The following WNK1 variants were observed in gnomAD, a reference collection of about 807,000 sequenced individuals.
WNK1 encodes the protein serine/threonine-protein kinase WNK1.
WNK1 carries 38 observed loss-of-function variants against 222.8 expected under a neutral mutation model. The ratio of observed to expected loss-of-function variants is 0.17; its 90% CI spans 0.13 to 0.22. The LOEUF is 0.22. Among genes scored for constraint, WNK1 ranks in the 10% least tolerant of loss-of-function variants. The pLI is 1.00. For missense variants in WNK1, 2,348 were observed against 2,918.4 expected, an observed-to-expected ratio of 0.80 and a Z score of 4.50; for synonymous variants, 1,090 against 1,092.9, an observed-to-expected ratio of 1.00 and a Z score of 0.05.
intron 25 of WNK1, among the ~76,000 whole-genome samples, chr12:899,235 G>A (rs192635467): frequency 3.9e-4 from 59 of 152,306 alleles, no homozygotes; most frequent in Middle Eastern, 3.4e-3. Context: ...AGTTCATGCA[G>A]CCCATTAGTA....
rs748023236 is a variant in WNK1 at position 880,890 on chromosome 12, C to T, written c.3002C>T (p.Ser1001Leu). 3 of 1,614,146 alleles carry T rather than the reference C, an allele frequency of 1.9e-6. No homozygotes were observed. The highest frequency in any genetic ancestry group is 1.6e-4 in the Middle Eastern group (1 of 6,062). Residue 1001 changes from serine to leucine, a missense_variant, in exon 12 of 28, where the codon TCA becomes TTA. By Grantham distance (145) the Ser-to-Leu change is moderately radical. Transcript: ENST00000315939. The part of the protein sequence containing the change: ...FPTVVQPYVE[S>L]NLLVPMGGVG... The stretch of plus-strand genomic sequence containing the variant: ...ACAGTGGTGCAGCCTTATGTGGAAT[C>T]AAATCTTTTAGTTCCTATGGGTGGT...
At chr12:893,966 C>T (rs1954517896) in intron 22 of WNK1, among the ~76,000 whole-genome samples, 1 of 151,904 alleles carries the variant, frequency 6.6e-6, no homozygotes, top group African/African-American at 2.4e-5. Flanking sequence ...ACCTGTAATC[C>T]CAGCACTTTG....
rs1952801206 is a variant in WNK1 at position 878,218 on chromosome 12, G to A, written c.2230G>A (p.Gly744Arg). The change falls in exon 10 of 28, where the codon GGA (glycine) becomes AGA (arginine). Residue 744 changes from glycine to arginine, a missense_variant. This residue lies in a region of WNK1 where 547 missense variants were observed against 558.3 expected (regional missense o/e 0.98). Transcript: ENST00000315939. ...CATTGTATTTTATTCTTAGCAGCAG[G>A]GAATACAGCAGACAGCCCCTCCTCA... is the stretch of plus-strand genomic sequence containing the variant. ...QPIQHPQQQQ[G>R]IQQTAPPQQT... 2 of 1,613,946 alleles carry A rather than the reference G, an allele frequency of 1.2e-6. No individual in the cohort carries two copies. Among genetic ancestry groups the A allele is most frequent in the Admixed American group, 1.7e-5 (1 of 59,992 alleles).
At chr12:868,417 C>T (rs745703935) in intron 8 of WNK1, 6 of 1,613,922 alleles carry the variant, frequency 3.7e-6, no homozygotes, top group Non-Finnish European at 5.1e-6. Flanking sequence ...CAAGTTCTGT[C>T]TTTGAATTTC....
intron 5 of WNK1, 117 bp downstream of exon 5, chr12:857,366 T>C: frequency 1.0e-6 from 1 of 962,580 alleles, no homozygotes; most frequent in South Asian, 1.4e-5. Flanking sequence ...TCTCTATTTG[T>C]GCCTGTAACA....
intron 1 of WNK1, among the ~76,000 whole-genome samples, chr12:808,312 C>T (rs941347142): frequency 1.3e-4 from 20 of 151,084 alleles, no homozygotes; most frequent in African/African-American, 4.9e-4. Context: ...CTTTTGGAGA[C>T]GGGGTTTTGC....
intron 2 of WNK1, among the ~76,000 whole-genome samples, chr12:821,067 T>TTTG (rs56400510): frequency 2.4e-5 from 2 of 83,420 alleles, no homozygotes; most frequent in African/African-American, 9.2e-5. Flanking sequence ...TTTTTTTTTT[T>TTTG]GGAAAGGTGT....
At chr12:846,472 G>C (rs1950032943) in intron 4 of WNK1, among the ~76,000 whole-genome samples, 5 of 152,122 alleles carry the variant, frequency 3.3e-5, no homozygotes, top group Admixed American at 3.3e-4. Context: ...CGAGCCTTGG[G>C]GAATCGTGAG....
At chr12:870,316 T>C (rs1380353887) in intron 8 of WNK1, among the ~76,000 whole-genome samples, 1 of 152,222 alleles carries the variant, frequency 6.6e-6, no homozygotes, top group Non-Finnish European at 1.5e-5. Context: ...GTATTGCCAG[T>C]AATTATCCTT....
At chr12:867,662 C>G (rs891712257) in intron 8 of WNK1, 1 of 598,584 alleles carries the variant, frequency 1.7e-6, no homozygotes, top group South Asian at 2.3e-5. Flanking sequence ...AAGCAAAGAG[C>G]CCACAGATTG....
intron 26 of WNK1, chr12:906,740 C>G: frequency 1.0e-6 from 1 of 985,282 alleles, no homozygotes; most frequent in Non-Finnish European, 1.2e-6. Context: ...TTACCTCTCT[C>G]TATTTAAAGA....
Position 802,506 on chromosome 12 carries a change from A to G in WNK1, c.760-11136A>G, listed in dbSNP as rs562157363. Among the ~76,000 whole-genome samples, 10 of 152,302 alleles carry G rather than the reference A, an allele frequency of 6.6e-5. No individual in the cohort carries two copies. The South Asian group carries it at 2.1e-3, about 32-fold the overall frequency. On this transcript the variant is annotated intron_variant, in intron 1 of 27. Transcript: ENST00000315939. ...GAGGATCTATCCTTGTTCAGTATAG[A>G]AGTTCTATTATGATTGATATGGAAA...
At chr12:774,232 A>G (rs892512592) in intron 1 of WNK1, among the ~76,000 whole-genome samples, 2 of 152,206 alleles carry the variant, frequency 1.3e-5, no homozygotes, top group Non-Finnish European at 2.9e-5. Context: ...GAAAGTTTTT[A>G]CCATTATTGT....
chr12:754,376 C>T (rs1203914839), intron 1 of WNK1, 52 bp downstream of exon 1: 4 of 1,610,454 alleles, frequency 2.5e-6, no homozygotes, highest in East Asian at 2.2e-5. Flanking sequence ...AAATTTGGCT[C>T]GGCGAAGCCA....
chr12:880,667 C>G (rs1439481533), intron 11 of WNK1, 54 bp from the exon 12 acceptor site: 7 of 1,563,042 alleles, frequency 4.5e-6, no homozygotes, highest in African/African-American at 2.8e-5. Context: ...TGCTGTTTTG[C>G]TAATTTATTG....
At chr12:798,819 C>G (rs181922770) in intron 1 of WNK1, among the ~76,000 whole-genome samples, 1 of 152,130 alleles carries the variant, frequency 6.6e-6, no homozygotes, top group African/African-American at 2.4e-5. Context: ...CCTTGACACT[C>G]GTGGTATTTC....
At chr12:897,778 ATT>A in intron 25 of WNK1, 97 bp downstream of exon 25, 1 of 1,327,552 alleles carries the variant, frequency 7.5e-7, no homozygotes, top group South Asian at 1.3e-5. Context: ...TTTTTGTTAA[ATT>A]TCAAAGGAAT....
intron 24 of WNK1, among the ~76,000 whole-genome samples, chr12:897,022 T>G (rs945852245): frequency 6.6e-6 from 1 of 151,920 alleles, no homozygotes; most frequent in African/African-American, 2.4e-5. Flanking sequence ...CTAGAACTTC[T>G]TCATTGTTAC....
At chr12:756,261 T>G (rs1402964441) in intron 1 of WNK1, among the ~76,000 whole-genome samples, 2 of 152,184 alleles carry the variant, frequency 1.3e-5, no homozygotes, top group African/African-American at 4.8e-5. Context: ...CTGAGACTTC[T>G]TAGCATGTGA....
Sources: gnomAD v4.1 joint callset for allele counts (sites outside exome capture counted in the v4.1 genomes callset) on GRCh38, gnomAD v4.1.1 for gene constraint, gnomAD v4.1.1 regional missense constraint, MANE v1.5 for transcripts, NCBI Gene and HGNC (gene_info 2026-07-23, HGNC 2026-07-21) for gene names.